CDH20: variants seen among roughly 807,000 people sequenced by gnomAD.
CDH20 encodes the protein cadherin 20.
Under a neutral mutation model 74.2 loss-of-function variants are expected in CDH20, and 29 were observed. That is an observed-to-expected ratio of 0.39 (90% CI 0.29 to 0.53). The LOEUF is 0.53. Among genes scored for constraint, CDH20 ranks in the 20% least tolerant of loss-of-function variants. The pLI is 0.69. For synonymous variants in CDH20, 469 were observed against 405.4 expected (o/e 1.16, Z -1.88); for missense variants, 988 against 1,048.3 (o/e 0.94, Z 0.79).
intron 1 of CDH20, among the ~76,000 whole-genome samples, chr18:61,477,304 C>T (rs538478895): frequency 6.6e-6 from 1 of 152,270 alleles, no homozygotes; most frequent in East Asian, 1.9e-4. Flanking sequence ...AATTATCTTC[C>T]ATAAAGGTAA....
rs192477357 is a variant in CDH20 at position 61,405,303 on chromosome 18, T to C, written c.-153+71476T>C. ...ATTGTCAACTCTTAAAAGACTGATA[T>C]AGGGTTGGGTTTGGTGGCTCATGCC... On this transcript the variant is annotated intron_variant, in intron 1 of 11. Coordinates refer to ENST00000262717, the MANE Select transcript of CDH20 (RefSeq NM_031891.4). 1.7e-5 allele frequency: 5 copies of C among 290,028 alleles called. No individual in the cohort carries two copies. The East Asian group carries it at 4.3e-4, about 25-fold the overall frequency. 18.0% of individuals were successfully genotyped at this position (290,028 alleles called of 1,614,324 possible).
intron 4 of CDH20, among the ~76,000 whole-genome samples, chr18:61,502,322 A>G (rs1911412482): frequency 6.6e-6 from 1 of 152,164 alleles, no homozygotes; most frequent in Non-Finnish European, 1.5e-5. Flanking sequence ...GGTAAAAATA[A>G]ACAGCTCACA....
Position 61,348,425 on chromosome 18 carries a change from G to A in CDH20, c.-153+14598G>A, listed in dbSNP as rs540965477. On this transcript the variant is annotated intron_variant, in intron 1 of 11. Coordinates refer to ENST00000262717, the MANE Select transcript of CDH20 (RefSeq NM_031891.4). ...ATGTTTTATGGTATCCTCACCAGTT[G>A]TTATCTTGGGTGTTGAATTTCTCTC... Among the ~76,000 whole-genome samples the A allele has an allele frequency of 3.3e-5, 5 of 152,248 alleles. No individual in the cohort carries two copies. The South Asian group carries it at 1.0e-3, about 32-fold the overall frequency.
chr18:61,544,519 C>T (rs2144402891), intron 9 of CDH20, among the ~76,000 whole-genome samples: 1 of 152,268 alleles, frequency 6.6e-6, no homozygotes, highest in South Asian at 2.1e-4. Flanking sequence ...GGATGGGAAG[C>T]CAGAAGCGGG....
intron 6 of CDH20, among the ~76,000 whole-genome samples, chr18:61,522,257 A>C (rs1291304737): frequency 2.0e-5 from 3 of 152,040 alleles, no homozygotes; most frequent in Admixed American, 6.6e-5. Context: ...AAATCACAAG[A>C]ATTCCTATAC....
At chr18:61,512,634 C>T (rs1312728443) in intron 6 of CDH20, among the ~76,000 whole-genome samples, 1 of 152,206 alleles carries the variant, frequency 6.6e-6, no homozygotes. Flanking sequence ...AATCTTGTTT[C>T]AATGCCAAAT....
At chr18:61,362,275 A>G (rs1910717988) in intron 1 of CDH20, among the ~76,000 whole-genome samples, 1 of 152,156 alleles carries the variant, frequency 6.6e-6, no homozygotes. Flanking sequence ...TATGTGAGTA[A>G]CCCACATACC....
chr18:61,418,324 G>A (rs949360514), intron 1 of CDH20, among the ~76,000 whole-genome samples: 1 of 152,112 alleles, frequency 6.6e-6, no homozygotes, highest in African/African-American at 2.4e-5. Flanking sequence ...GGAGGCTGAG[G>A]TGGGTGGATC....
chr18:61,456,878 T>C (rs769011909), intron 1 of CDH20, among the ~76,000 whole-genome samples: 1 of 152,180 alleles, frequency 6.6e-6, no homozygotes, highest in African/African-American at 2.4e-5. Flanking sequence ...TATCCTCAAA[T>C]GGTTGAGACA....
chr18:61,363,645 T>C (rs574032145), intron 1 of CDH20, among the ~76,000 whole-genome samples: 2 of 152,336 alleles, frequency 1.3e-5, no homozygotes, highest in South Asian at 2.1e-4. Flanking sequence ...TTTAAAGTGA[T>C]GCTTGTGTTC....
intron 2 of CDH20, among the ~76,000 whole-genome samples, chr18:61,495,520 CAGGAGGAGGG>C (rs1297023319): frequency 1.3e-5 from 2 of 152,180 alleles, no homozygotes; most frequent in African/African-American, 4.8e-5. Context: ...GCCCAGGAGG[CAGGAGGAGGG>C]AGGAGTGACT....
chr18:61,471,102 T>C (rs1303383767), intron 1 of CDH20, among the ~76,000 whole-genome samples: 2 of 152,230 alleles, frequency 1.3e-5, no homozygotes, highest in Non-Finnish European at 2.9e-5. Context: ...GAAATAGTAC[T>C]TCTTTTTGAA....
chr18:61,460,780 T>C (rs1008847112), intron 1 of CDH20, among the ~76,000 whole-genome samples: 1 of 152,226 alleles, frequency 6.6e-6, no homozygotes, highest in Non-Finnish European at 1.5e-5. Context: ...ACTTAGCCAT[T>C]TGTGATTTTC....
chr18:61,369,704 AACATAT>A (rs1910967358), intron 1 of CDH20, among the ~76,000 whole-genome samples: 1 of 152,150 alleles, frequency 6.6e-6, no homozygotes, highest in Non-Finnish European at 1.5e-5. Flanking sequence ...GAAGATGTGG[AACATAT>A]ACACCATGAA....
intron 1 of CDH20, among the ~76,000 whole-genome samples, chr18:61,455,504 AT>A (rs1395088503): frequency 6.6e-6 from 1 of 152,260 alleles, no homozygotes; most frequent in East Asian, 1.9e-4. Context: ...ATTTTGAGTC[AT>A]TTATTCTATG....
chr18:61,341,617 C>G (rs1036506503), intron 1 of CDH20, among the ~76,000 whole-genome samples: 2 of 152,136 alleles, frequency 1.3e-5, no homozygotes, highest in Non-Finnish European at 2.9e-5. Flanking sequence ...GCAGAGGCAC[C>G]AACCATCATT....
At chr18:61,551,587 T>A (rs1471294734) in intron 11 of CDH20, among the ~76,000 whole-genome samples, 2 of 152,234 alleles carry the variant, frequency 1.3e-5, no homozygotes, top group Non-Finnish European at 2.9e-5. Flanking sequence ...AGAGTATAAA[T>A]AAGTAACCTT....
At chr18:61,368,218 C>A (rs1290684910) in intron 1 of CDH20, among the ~76,000 whole-genome samples, 2 of 151,994 alleles carry the variant, frequency 1.3e-5, no homozygotes, top group Non-Finnish European at 2.9e-5. Context: ...CTTTAATCGC[C>A]CCTTTGCCAT....
chr18:61,505,249 A>G (rs1911520236), intron 5 of CDH20, among the ~76,000 whole-genome samples: 1 of 152,074 alleles, frequency 6.6e-6, no homozygotes, highest in Non-Finnish European at 1.5e-5. Flanking sequence ...GCCGGGAGTC[A>G]TGTTACCCCA....
Sources: gnomAD v4.1 joint callset for allele counts (sites outside exome capture counted in the v4.1 genomes callset) on GRCh38, gnomAD v4.1.1 for gene constraint, MANE v1.5 for transcripts, NCBI Gene and HGNC (gene_info 2026-07-23, HGNC 2026-07-21) for gene names.